Variants in SUSD4 observed in about 807,000 individuals in gnomAD.
The protein encoded by SUSD4 is sushi domain-containing protein 4.
Under a neutral mutation model 50.5 loss-of-function variants are expected in SUSD4, and 41 were observed. The ratio of observed to expected loss-of-function variants is 0.81; its 90% CI spans 0.63 to 1.05. The LOEUF is 1.05. Ranked by LOEUF, SUSD4 falls within the 50% of genes least tolerant of loss-of-function variation. The pLI is 0.00. For synonymous variants in SUSD4, 257 were observed against 257.3 expected (o/e 1.00, Z 0.01); for missense variants, 580 against 634.7 (o/e 0.91, Z 0.93).
rs553270321 is a variant in SUSD4 at position 223,260,348 on chromosome 1, G to C, written c.724+4282C>G. Among the ~76,000 whole-genome samples the C allele has an allele frequency of 1.7e-3, 260 of 152,340 alleles. 2 individuals are homozygous for C. Among genetic ancestry groups the C allele is most frequent in the South Asian group, 0.016 (75 of 4,824 alleles). On this transcript the variant is annotated intron_variant, in intron 5 of 8. Coordinates refer to ENST00000366878, the MANE Select transcript of SUSD4 (RefSeq NM_017982.4). ...TAGCAGGTGTTCAATAGTCACTGGTGACAACATAAACTGAGTTCTTAGCAC... is the reference window on the plus strand; with the variant it reads ...TAGCAGGTGTTCAATAGTCACTGGTCACAACATAAACTGAGTTCTTAGCAC...
intron 2 of SUSD4, among the ~76,000 whole-genome samples, chr1:223,361,694 G>T (rs1668989259): frequency 1.3e-5 from 2 of 152,198 alleles, no homozygotes; most frequent in African/African-American, 4.8e-5. Context: ...AAATGTAAAT[G>T]AACCTTGATT....
At position 223,257,861 on chromosome 1, in the gene SUSD4, G is replaced by C. The variant is rs146124801; in HGVS notation, c.724+6769C>G. Among the ~76,000 whole-genome samples the C allele has an allele frequency of 2.4e-3, 366 of 152,314 alleles. 1 individual carries two copies. The highest frequency in any genetic ancestry group is 7.5e-3 in the African/African-American group (311 of 41,556). ...GGAGAATAGAGTGGCCCTGATTCGGGTCTGGGGAAGTGACCGAGGTGACAC... is the reference window on the plus strand; with the variant it reads ...GGAGAATAGAGTGGCCCTGATTCGGCTCTGGGGAAGTGACCGAGGTGACAC... On this transcript the variant is annotated intron_variant, in intron 5 of 8. Coordinates refer to ENST00000366878, the MANE Select transcript of SUSD4 (RefSeq NM_017982.4).
At chr1:223,364,259 G>C (rs995252383), upstream of SUSD4, 6 of 149,140 alleles carry the variant, frequency 4.0e-5, no homozygotes, top group African/African-American at 1.2e-4. The surrounding 1 kb of genome is among the most constrained non-coding windows in gnomAD (Gnocchi z 4.5). Flanking sequence ...GGGGGAGGAC[G>C]GGAGCCCGGC....
In SUSD4 at chr1:223,222,236, C is replaced by A. The variant is rs369179634; in HGVS notation, c.1445-16G>T. ...AGAGGAATCTCTGTAAAAGAAGAGACGGTTATTAGCTTAACATAACCAGAA... is the reference window on the plus strand; with the variant it reads ...AGAGGAATCTCTGTAAAAGAAGAGAAGGTTATTAGCTTAACATAACCAGAA... On this transcript the variant is annotated splice_polypyrimidine_tract_variant and intron_variant, in intron 8 of 8. Transcript: ENST00000366878. The A allele has an allele frequency of 2.8e-5, 45 of 1,612,876 alleles. No individual in the cohort carries two copies. In the South Asian group the frequency reaches 4.4e-4, roughly 16 times the overall value.
At chr1:223,281,461 T>C (rs1054698232) in intron 3 of SUSD4, among the ~76,000 whole-genome samples, 4 of 152,152 alleles carry the variant, frequency 2.6e-5, no homozygotes, top group Non-Finnish European at 5.9e-5. Flanking sequence ...TATAAACAAC[T>C]CTACGCAAAT....
intron 5 of SUSD4, among the ~76,000 whole-genome samples, chr1:223,232,578 AG>A: frequency 6.6e-6 from 1 of 152,240 alleles, no homozygotes; most frequent in Non-Finnish European, 1.5e-5. Context: ...GTTTGTTATC[AG>A]CAGCATTTTT....
intron 5 of SUSD4, among the ~76,000 whole-genome samples, chr1:223,259,624 T>C (rs1385280098): frequency 3.3e-5 from 5 of 152,086 alleles, no homozygotes; most frequent in Non-Finnish European, 7.4e-5. Context: ...TACTAACGGG[T>C]TGTGGGTGGT....
At chr1:223,349,885 A>G (rs1261923899) in intron 2 of SUSD4, among the ~76,000 whole-genome samples, 2 of 152,204 alleles carry the variant, frequency 1.3e-5, no homozygotes, top group Non-Finnish European at 2.9e-5. Context: ...AAATTCATAC[A>G]TTGAAGCCTT....
At chr1:223,248,954 T>C (rs1028527901) in intron 5 of SUSD4, among the ~76,000 whole-genome samples, 3 of 152,110 alleles carry the variant, frequency 2.0e-5, no homozygotes, top group Non-Finnish European at 4.4e-5. Context: ...TGCAAACCCG[T>C]GATTTCCTCT....
chr1:223,347,442 A>T (rs1268404360), intron 2 of SUSD4, among the ~76,000 whole-genome samples: 1 of 152,120 alleles, frequency 6.6e-6, no homozygotes, highest in Non-Finnish European at 1.5e-5. Flanking sequence ...CCCTCTTCAC[A>T]GTGAGAACAA....
At chr1:223,258,111 A>G (rs1035299785) in intron 5 of SUSD4, among the ~76,000 whole-genome samples, 1 of 152,150 alleles carries the variant, frequency 6.6e-6, no homozygotes, top group Non-Finnish European at 1.5e-5. Flanking sequence ...CCTACACAGG[A>G]TTCACTTTGA....
intron 5 of SUSD4, among the ~76,000 whole-genome samples, chr1:223,260,780 T>C (rs1440569007): frequency 2.0e-5 from 3 of 152,200 alleles, no homozygotes. Flanking sequence ...CCTTAAAACA[T>C]GCGACCCACA....
intron 5 of SUSD4, among the ~76,000 whole-genome samples, chr1:223,239,162 C>CT (rs1454642277): frequency 1.3e-5 from 2 of 152,022 alleles, no homozygotes; most frequent in Non-Finnish European, 2.9e-5. Flanking sequence ...CTCTTCCTTT[C>CT]TTTTCATTAC....
At chr1:223,347,454 C>T (rs1025893172) in intron 2 of SUSD4, among the ~76,000 whole-genome samples, 2 of 152,126 alleles carry the variant, frequency 1.3e-5, no homozygotes, top group Non-Finnish European at 2.9e-5. Flanking sequence ...TGAGAACAAT[C>T]TTTCCCATTC....
rs778973907 is a variant in SUSD4 at position 223,298,238 on chromosome 1, GA to G, written c.149-5588del. ...CCAACTACCCTGTTGGACCCATCTG[GA>G]ACCATCTCCACCCACCAAACAGCAA... On this transcript the variant is annotated intron_variant, in intron 2 of 8. Transcript: ENST00000366878. 6.6e-5 allele frequency among the ~76,000 whole-genome samples: 10 copies of G among 152,056 alleles called. No individual in the cohort carries two copies. The South Asian group carries it at 8.3e-4, about 13-fold the overall frequency.
chr1:223,308,935 T>A (rs1009568899), intron 2 of SUSD4, among the ~76,000 whole-genome samples: 1 of 152,144 alleles, frequency 6.6e-6, no homozygotes, highest in African/African-American at 2.4e-5. Flanking sequence ...ATATGAAGAA[T>A]TCCCTCTAAA....
At chr1:223,276,898 T>A (rs1663312607) in intron 3 of SUSD4, among the ~76,000 whole-genome samples, 1 of 147,578 alleles carries the variant, frequency 6.8e-6, no homozygotes, top group Non-Finnish European at 1.5e-5. Flanking sequence ...TGATAGAGAA[T>A]GCACATGAGA....
chr1:223,319,622 G>A (rs2103241250), intron 2 of SUSD4, among the ~76,000 whole-genome samples: 1 of 152,256 alleles, frequency 6.6e-6, no homozygotes, highest in Admixed American at 6.5e-5. Flanking sequence ...ACACCAACAT[G>A]AGACAACAGG....
At chr1:223,232,862 G>A (rs1659985488) in intron 5 of SUSD4, among the ~76,000 whole-genome samples, 1 of 152,228 alleles carries the variant, frequency 6.6e-6, no homozygotes, top group African/African-American at 2.4e-5. Flanking sequence ...TTTCCCATCT[G>A]TCTAATGAGT....
Sources: gnomAD v4.1 joint callset for allele counts (sites outside exome capture counted in the v4.1 genomes callset) on GRCh38, gnomAD v4.1.1 for gene constraint, Gnocchi (gnomAD v3.1) non-coding constraint, MANE v1.5 for transcripts, NCBI Gene and HGNC (gene_info 2026-07-23, HGNC 2026-07-21) for gene names.